Variants in ZBTB44 observed in about 807,000 individuals in gnomAD.
ZBTB44 encodes the protein zinc finger and BTB domain containing 44.
Under a neutral mutation model 54.0 loss-of-function variants are expected in ZBTB44, and 15 were observed. That is an observed-to-expected ratio of 0.28 (90% confidence interval 0.19 to 0.43). The LOEUF (loss-of-function observed/expected upper bound fraction) is 0.43, where lower values mean the gene tolerates loss of function less well. Ranked by LOEUF, ZBTB44 falls within the 20% of genes least tolerant of loss-of-function variation. ZBTB44 has a pLI of 1.00. For missense variants in ZBTB44, 487 were observed against 707.1 expected (o/e 0.69, Z 3.53); for synonymous variants, 230 against 250.1 (o/e 0.92, Z 0.76).
At chr11:130,311,906 C>A (rs1942629375) in intron 1 of ZBTB44, among the ~76,000 whole-genome samples, 1 of 152,108 alleles carries the variant, frequency 6.6e-6, no homozygotes, top group Non-Finnish European at 1.5e-5. Context: ...ATGGTTCCTA[C>A]TGACCAAATC....
At chr11:130,303,618 A>G (rs936726108) in intron 1 of ZBTB44, among the ~76,000 whole-genome samples, 1 of 152,178 alleles carries the variant, frequency 6.6e-6, no homozygotes, top group Non-Finnish European at 1.5e-5. Context: ...CTGGGCAACA[A>G]GAGCGAAACT....
chr11:130,240,361 T>C (rs1954308984), intron 2 of ZBTB44, among the ~76,000 whole-genome samples: 1 of 152,180 alleles, frequency 6.6e-6, no homozygotes, highest in East Asian at 1.9e-4. Context: ...TTTTAAATGT[T>C]TGTGATTTTA....
intron 6 of ZBTB44, 128 bp downstream of exon 6, chr11:130,234,028 G>A: frequency 2.0e-6 from 3 of 1,524,112 alleles, no homozygotes; most frequent in Non-Finnish European, 2.6e-6. Context: ...TGATTTTGGG[G>A]GGTCATCTCT....
At chr11:130,306,203 C>T (rs1354116282) in intron 1 of ZBTB44, among the ~76,000 whole-genome samples, 1 of 152,106 alleles carries the variant, frequency 6.6e-6, no homozygotes, top group African/African-American at 2.4e-5. Context: ...ATGGAGATTC[C>T]TTTAAGAACT....
chr11:130,232,470 C>A (rs1953911286), intron 7 of ZBTB44: 1 of 152,082 alleles, frequency 6.6e-6, no homozygotes, highest in South Asian at 2.1e-4. Context: ...CAGAAAGTTT[C>A]ATATTTTTAG....
At chr11:130,286,734 T>G (rs187408694) in intron 1 of ZBTB44, among the ~76,000 whole-genome samples, 55 of 152,336 alleles carry the variant, frequency 3.6e-4, no homozygotes, top group African/African-American at 1.3e-3. Flanking sequence ...GTCCACTAGG[T>G]AGAACAACAG....
Position 130,314,887 on chromosome 11 carries a change from G to A in ZBTB44, c.-569C>T, listed in dbSNP as rs947170686. 5 of 148,650 alleles carry A rather than the reference G, an allele frequency of 3.4e-5. No individual in the cohort carries two copies. Among genetic ancestry groups the A allele is most frequent in the Admixed American group, 2.0e-4 (3 of 14,830 alleles). The allele number at this position is 148,650 out of a possible 1,614,324, so 9.2% of individuals were successfully genotyped here. A position where few individuals can be genotyped will look rare whatever the true frequency, so the allele number is the denominator to read the frequency against. On this transcript the variant is annotated 5_prime_UTR_variant, in exon 1 of 8. Coordinates refer to ENST00000357899, the MANE Select transcript of ZBTB44 (RefSeq NM_001301098.2). Reference sequence around the variant, plus strand: ...GTTGCCGCTCCGCTCACTCCAGCCTGTTTGGGGGCACTTTGTTTGTGTCCC... The same window carrying A: ...GTTGCCGCTCCGCTCACTCCAGCCTATTTGGGGGCACTTTGTTTGTGTCCC...
At chr11:130,244,687 GAAAGAAAAT>G (rs1954566830) in intron 2 of ZBTB44, among the ~76,000 whole-genome samples, 2 of 64,890 alleles carry the variant, frequency 3.1e-5, no homozygotes, top group East Asian at 7.8e-4. Flanking sequence ...AAAAAAAAAA[GAAAGAAAAT>G]GTACTAACTG....
intron 1 of ZBTB44, among the ~76,000 whole-genome samples, chr11:130,262,376 T>TGATA (rs1938932769): frequency 1.3e-5 from 2 of 152,082 alleles, no homozygotes; most frequent in African/African-American, 2.4e-5. Context: ...TGACCTCAGG[T>TGATA]GATAGGCCTG....
chr11:130,281,507 C>A (rs1305995316), intron 1 of ZBTB44, among the ~76,000 whole-genome samples: 5 of 146,914 alleles, frequency 3.4e-5, no homozygotes, highest in East Asian at 2.0e-4. Context: ...GCAACAGAGA[C>A]CCTGTCTCAA....
intron 2 of ZBTB44, among the ~76,000 whole-genome samples, chr11:130,249,666 G>A (rs1937834347): frequency 1.3e-5 from 2 of 152,196 alleles, no homozygotes; most frequent in Non-Finnish European, 1.5e-5. Flanking sequence ...AGGGTGGGGC[G>A]TTACCTCACC....
At chr11:130,278,879 G>C (rs1007240725) in intron 1 of ZBTB44, among the ~76,000 whole-genome samples, 1 of 151,800 alleles carries the variant, frequency 6.6e-6, no homozygotes, top group African/African-American at 2.4e-5. Context: ...ACACACTTAT[G>C]ATGGCTATTT....
At chr11:130,296,856 A>C in intron 1 of ZBTB44, 1 of 737,768 alleles carries the variant, frequency 1.4e-6, no homozygotes, top group Non-Finnish European at 2.5e-6. Flanking sequence ...AAATAACTTA[A>C]ATTTGCCTCA....
intron 1 of ZBTB44, among the ~76,000 whole-genome samples, chr11:130,276,947 T>G (rs1216348591): frequency 1.3e-5 from 2 of 152,206 alleles, no homozygotes; most frequent in Non-Finnish European, 2.9e-5. Context: ...TGGATACGAG[T>G]AAAACCACTC....
chr11:130,241,584 T>C (rs915217237), intron 2 of ZBTB44, among the ~76,000 whole-genome samples: 3 of 152,198 alleles, frequency 2.0e-5, no homozygotes, highest in African/African-American at 7.2e-5. Context: ...TAAGAGTTCT[T>C]TTCACAATTT....
At position 130,228,094 on chromosome 11, in the gene ZBTB44, A is replaced by G. The variant is rs564763184; in HGVS notation, c.*3670T>C. ...CCATATACTATCCTCCAAGTTGGAC[A>G]TAAGGTGCCACAAGGCTGCCCTACA... On this transcript the variant is annotated 3_prime_UTR_variant, in exon 8 of 8. Transcript: ENST00000357899. The G allele has an allele frequency of 6.6e-6, 1 of 152,234 alleles. No homozygotes were observed. Among genetic ancestry groups the G allele is most frequent in the Non-Finnish European group, 1.5e-5 (1 of 68,042 alleles). The allele number at this position is 152,234 out of a possible 1,614,324, so 9.4% of individuals were successfully genotyped here.
chr11:130,239,913 G>C lies in ZBTB44; in HGVS notation c.1019-17C>G. 6.3e-7 allele frequency: 1 copy of C among 1,590,688 alleles called. No individual in the cohort carries two copies. ...CTACTGAGCCTGTGAATAAGAGAAA[G>C]AGGACCACTGTAATCCTTTGGTGTG... On this transcript the variant is annotated splice_polypyrimidine_tract_variant and intron_variant, in intron 2 of 7. Transcript: ENST00000357899.
intron 2 of ZBTB44, among the ~76,000 whole-genome samples, chr11:130,246,879 C>T (rs976296488): frequency 5.3e-5 from 8 of 152,108 alleles, no homozygotes; most frequent in African/African-American, 1.7e-4. Flanking sequence ...TTATTTAAAG[C>T]GAGACTAAAA....
At position 130,227,816 on chromosome 11, in the gene ZBTB44, AAC is replaced by A. The variant is rs1268293135; in HGVS notation, c.*3946_*3947del. On this transcript the variant is annotated 3_prime_UTR_variant, in exon 8 of 8. Transcript: ENST00000357899. ...TCAAATCTGTGTCCTTTAACCAAAC[AAC>A]AGTTTCTTCTATCACTTAATTCTGG... 6.6e-6 allele frequency: 1 copy of A among 152,196 alleles called. No individual in the cohort carries two copies. The highest frequency in any genetic ancestry group is 1.9e-4 in the East Asian group (1 of 5,202). 9.4% of individuals were successfully genotyped at this position (152,196 alleles called of 1,614,324 possible).
Sources: allele counts gnomAD v4.1 joint callset (sites outside exome capture counted in the v4.1 genomes callset), GRCh38; gene constraint gnomAD v4.1.1; transcripts MANE v1.5; gene names NCBI Gene and HGNC (gene_info 2026-07-23, HGNC 2026-07-21).